UNC13C: variants seen among roughly 807,000 people sequenced by gnomAD.
UNC13C encodes unc-13 homolog C, also known as protein unc-13 homolog C.
In UNC13C, 174 loss-of-function variants were observed where a neutral mutation model predicts 245.4. The ratio of observed to expected loss-of-function variants is 0.71; its 90% CI spans 0.63 to 0.80. UNC13C has a LOEUF of 0.80. Among genes scored for constraint, UNC13C ranks in the 30% least tolerant of loss-of-function variants. The probability of loss-of-function intolerance (pLI) is 0.00; values close to 1 mark genes in which losing one functional copy is unlikely to be tolerated. For synonymous variants in UNC13C, 992 were observed against 895.1 expected (o/e 1.11, Z -1.93); for missense variants, 2,829 against 2,602.9 (o/e 1.09, Z -1.89).
At chr15:54,461,642 A>G (rs1375756646) in intron 19 of UNC13C, among the ~76,000 whole-genome samples, 1 of 152,184 alleles carries the variant, frequency 6.6e-6, no homozygotes, top group Non-Finnish European at 1.5e-5. Flanking sequence ...TGCAGAAGAG[A>G]AAGTACACAA....
chr15:54,258,259 G>C (rs1330343990), intron 8 of UNC13C, among the ~76,000 whole-genome samples: 1 of 152,046 alleles, frequency 6.6e-6, no homozygotes, highest in African/African-American at 2.4e-5. Context: ...AATAGATATA[G>C]AGCATCCAGC....
intron 30 of UNC13C, among the ~76,000 whole-genome samples, chr15:54,602,177 G>T (rs947464204): frequency 6.6e-6 from 1 of 152,202 alleles, no homozygotes; most frequent in Non-Finnish European, 1.5e-5. Context: ...AAGCAAACCT[G>T]TAGTGGTTTC....
At chr15:54,336,749 T>A (rs1490159535) in intron 16 of UNC13C, among the ~76,000 whole-genome samples, 1 of 152,116 alleles carries the variant, frequency 6.6e-6, no homozygotes, top group Non-Finnish European at 1.5e-5. Context: ...TCCATTGAAT[T>A]GCTTTCATAT....
chr15:54,470,332 T>C (rs1892393845), intron 19 of UNC13C, among the ~76,000 whole-genome samples: 1 of 53,002 alleles, frequency 1.9e-5, no homozygotes, highest in South Asian at 7.2e-4. Context: ...TTAGTTCTTC[T>C]TGAAATGTTT....
intron 25 of UNC13C, among the ~76,000 whole-genome samples, chr15:54,529,478 C>G (rs966531590): frequency 6.6e-6 from 1 of 152,114 alleles, no homozygotes; most frequent in African/African-American, 2.4e-5. Flanking sequence ...TACAAGTTCT[C>G]ATATTTGCTC....
At chr15:54,515,231 G>A (rs564929039) in intron 24 of UNC13C, among the ~76,000 whole-genome samples, 178 of 152,058 alleles carry the variant, frequency 1.2e-3, no homozygotes, top group Non-Finnish European at 2.2e-3. Flanking sequence ...TAGCCAACCC[G>A]TGTTATAGAT....
At chr15:53,876,067 T>C in the UNC13C span, among the ~76,000 whole-genome samples, 1 of 152,242 alleles carries the variant, frequency 6.6e-6, no homozygotes, top group Non-Finnish European at 1.5e-5. Context: ...TTATGCTAAA[T>C]ACTCTCTCCT....
chr15:54,054,547 C>A (rs1344703979), intron 2 of UNC13C, among the ~76,000 whole-genome samples: 1 of 152,098 alleles, frequency 6.6e-6, no homozygotes, highest in Non-Finnish European at 1.5e-5. Context: ...AAGATAGGAT[C>A]ATTAAGCTGG....
the UNC13C span, among the ~76,000 whole-genome samples, chr15:53,856,019 GAGTGTGTA>G: frequency 6.6e-6 from 1 of 152,108 alleles, no homozygotes; most frequent in South Asian, 2.1e-4. Context: ...TCAGTATTGG[GAGTGTGTA>G]TGTGTCCAGG....
intron 30 of UNC13C, among the ~76,000 whole-genome samples, chr15:54,570,730 A>G (rs982291980): frequency 2.6e-5 from 4 of 152,236 alleles, no homozygotes; most frequent in Non-Finnish European, 2.9e-5. Context: ...GCTGCATTTT[A>G]GAATTATTTA....
chr15:54,002,818 G>C (rs1246974209), intron 1 of UNC13C, among the ~76,000 whole-genome samples: 1 of 152,202 alleles, frequency 6.6e-6, no homozygotes, highest in African/African-American at 2.4e-5. Flanking sequence ...GACAGAGTTA[G>C]ATTGCCCTAT....
the UNC13C span, among the ~76,000 whole-genome samples, chr15:53,964,222 CA>C: frequency 6.6e-6 from 1 of 152,070 alleles, no homozygotes; most frequent in Non-Finnish European, 1.5e-5. Context: ...ATGGTGTATG[CA>C]GGGGCTACTA....
intron 30 of UNC13C, among the ~76,000 whole-genome samples, chr15:54,591,882 T>G (rs1898810259): frequency 6.6e-6 from 1 of 152,124 alleles, no homozygotes; most frequent in South Asian, 2.1e-4. Flanking sequence ...ATGCCTGACC[T>G]TAGATTGTCT....
chr15:54,182,434 G>A lies in UNC13C; in HGVS notation c.3071+38750G>A, dbSNP rs562899332. On this transcript the variant is annotated intron_variant, in intron 4 of 32. Transcript: ENST00000260323. ...TTTGATATGCTGTTAAATTCAGTTT[G>A]TTAGTATTTTGTTGAGGGATATTGG... Among the ~76,000 whole-genome samples, 35 of 152,164 alleles carry A rather than the reference G, an allele frequency of 2.3e-4. 2 individuals are homozygous for A. The South Asian group carries it at 7.2e-3, about 32-fold the overall frequency.
At chr15:54,112,632 C>G (rs1292594533) in intron 2 of UNC13C, among the ~76,000 whole-genome samples, 7 of 152,232 alleles carry the variant, frequency 4.6e-5, no homozygotes, top group Non-Finnish European at 8.8e-5. Context: ...GTGCAAGCTT[C>G]CAGCTTGCTT....
At chr15:54,626,233 G>C (rs186644212) in intron 32 of UNC13C, among the ~76,000 whole-genome samples, 231 of 152,220 alleles carry the variant, frequency 1.5e-3, no homozygotes, top group Middle Eastern at 3.4e-3. Flanking sequence ...CCACACACTT[G>C]ACAGGTCTAA....
At chr15:54,319,522 C>T (rs2038095487) in intron 13 of UNC13C, among the ~76,000 whole-genome samples, 1 of 151,822 alleles carries the variant, frequency 6.6e-6, no homozygotes, top group South Asian at 2.1e-4. Flanking sequence ...ACTCACATAG[C>T]ATAAATTTTT....
At chr15:54,087,237 T>G (rs1210641319) in intron 2 of UNC13C, among the ~76,000 whole-genome samples, 1 of 152,024 alleles carries the variant, frequency 6.6e-6, no homozygotes, top group Non-Finnish European at 1.5e-5. Context: ...AAAAAATAAA[T>G]CAAAGAGTCT....
the UNC13C span, among the ~76,000 whole-genome samples, chr15:53,843,117 T>G: frequency 5.3e-5 from 8 of 152,128 alleles, no homozygotes; most frequent in African/African-American, 1.9e-4. Context: ...TATTTCTATT[T>G]CTGAACAATG....
Sources: allele counts gnomAD v4.1 joint callset (sites outside exome capture counted in the v4.1 genomes callset), GRCh38; gene constraint gnomAD v4.1.1; transcripts MANE v1.5; gene names NCBI Gene and HGNC (gene_info 2026-07-23, HGNC 2026-07-21).